Variants in PTPRT observed in about 807,000 individuals in gnomAD.
The protein encoded by PTPRT is protein tyrosine phosphatase receptor type T, also known as receptor-type tyrosine-protein phosphatase T.
In PTPRT, 56 loss-of-function variants were observed where a neutral mutation model predicts 176.8. That is an observed-to-expected ratio of 0.32 (90% CI 0.26 to 0.40). The LOEUF is 0.40. Ranked by LOEUF, PTPRT falls within the 10% of genes least tolerant of loss-of-function variation. The pLI, the probability that PTPRT is intolerant of heterozygous loss-of-function variation, is 1.00. For missense variants in PTPRT, 1,540 were observed against 1,908.2 expected (o/e 0.81, Z 3.60); for synonymous variants, 783 against 739.0 (o/e 1.06, Z -0.96).
chr20:42,376,811 C>T (rs2058654086), intron 9 of PTPRT, among the ~76,000 whole-genome samples: 1 of 151,974 alleles, frequency 6.6e-6, no homozygotes, highest in Admixed American at 6.6e-5. Context: ...TCTGGGTGAT[C>T]GAGTCTATAG....
Position 42,362,349 on chromosome 20 carries a change from T to C in PTPRT, c.1561-10064A>G, listed in dbSNP as rs189519501. ...GATACGATGCTCTGAGAAAGGGTTA[T>C]GTGTGGTATTTTTTGCCAAAAATGC... On this transcript the variant is annotated intron_variant, in intron 9 of 30. Coordinates refer to ENST00000373187, the MANE Select transcript of PTPRT (RefSeq NM_007050.6). Among the ~76,000 whole-genome samples, 138 of 152,222 alleles carry C rather than the reference T, an allele frequency of 9.1e-4. 1 individual carries two copies. The highest frequency in any genetic ancestry group is 4.3e-4 in the Non-Finnish European group (29 of 68,022).
At chr20:42,394,058 T>TA (rs891222686) in intron 9 of PTPRT, among the ~76,000 whole-genome samples, 71 of 150,812 alleles carry the variant, frequency 4.7e-4, no homozygotes, top group Non-Finnish European at 8.8e-5. Flanking sequence ...TTTTTTTTTT[T>TA]AATTTTACTA....
At chr20:42,889,524 G>C (rs1388049515) in intron 1 of PTPRT, among the ~76,000 whole-genome samples, 2 of 152,170 alleles carry the variant, frequency 1.3e-5, no homozygotes, top group Non-Finnish European at 2.9e-5. Context: ...ATGCATTCAG[G>C]ACAGAAAATG....
intron 7 of PTPRT, among the ~76,000 whole-genome samples, chr20:42,502,037 C>T (rs764522826): frequency 6.6e-5 from 10 of 151,954 alleles, no homozygotes; most frequent in Non-Finnish European, 1.5e-4. Context: ...TTGGGCTTAG[C>T]ATTTTGAGAA....
chr20:42,576,000 CA>C (rs1315984955), intron 7 of PTPRT, among the ~76,000 whole-genome samples: 1 of 152,158 alleles, frequency 6.6e-6, no homozygotes, highest in Non-Finnish European at 1.5e-5. Context: ...AGAGGTTCAC[CA>C]TCGCTTCCAG....
intron 1 of PTPRT, among the ~76,000 whole-genome samples, chr20:42,992,670 A>G (rs1189457010): frequency 6.6e-6 from 1 of 152,256 alleles, no homozygotes; most frequent in African/African-American, 2.4e-5. Context: ...CTATTGCTGC[A>G]TAACAGGTCA....
intron 2 of PTPRT, among the ~76,000 whole-genome samples, chr20:42,814,875 C>T (rs2077757049): frequency 6.6e-6 from 1 of 151,874 alleles, no homozygotes; most frequent in Non-Finnish European, 1.5e-5. Flanking sequence ...TGGGAAGAAC[C>T]CAGAAGCAAA....
At chr20:42,531,327 T>C (rs1490420741) in intron 7 of PTPRT, among the ~76,000 whole-genome samples, 1 of 152,176 alleles carries the variant, frequency 6.6e-6, no homozygotes, top group Non-Finnish European at 1.5e-5. Context: ...CAAAGAGCAA[T>C]CTACTTAGTT....
chr20:43,150,911 A>G lies in PTPRT; in HGVS notation c.88+38735T>C, dbSNP rs557319010. ...GCCTTCATGCTGAACCTCACATTTA[A>G]GAAGAGAATAAATGGATCACAGTGC... On this transcript the variant is annotated intron_variant, in intron 1 of 30. Coordinates refer to ENST00000373187, the MANE Select transcript of PTPRT (RefSeq NM_007050.6). Among the ~76,000 whole-genome samples the G allele has an allele frequency of 3.2e-3, 492 of 152,330 alleles. 2 individuals are homozygous for G. Among genetic ancestry groups the G allele is most frequent in the African/African-American group, 0.011 (478 of 41,582 alleles).
chr20:42,620,688 G>T (rs1443820516), intron 7 of PTPRT, among the ~76,000 whole-genome samples: 1 of 152,178 alleles, frequency 6.6e-6, no homozygotes, highest in Admixed American at 6.5e-5. Context: ...TATTCGGGTG[G>T]GAGTGACCCA....
intron 2 of PTPRT, among the ~76,000 whole-genome samples, chr20:42,862,707 T>C (rs1379875720): frequency 1.3e-5 from 2 of 152,188 alleles, no homozygotes; most frequent in Non-Finnish European, 2.9e-5. Context: ...TTTTTCAACA[T>C]TCATGAGTGT....
chr20:43,127,280 G>A (rs531271146), intron 1 of PTPRT, among the ~76,000 whole-genome samples: 21 of 152,028 alleles, frequency 1.4e-4, no homozygotes, highest in East Asian at 1.2e-3. Flanking sequence ...AAAATTAGCC[G>A]GGCGTGGTGG....
intron 9 of PTPRT, among the ~76,000 whole-genome samples, chr20:42,418,582 C>G (rs1327534736): frequency 1.3e-5 from 2 of 152,146 alleles, no homozygotes; most frequent in Non-Finnish European, 2.9e-5. Flanking sequence ...ATGTGAAAGA[C>G]AATAGGAAGA....
chr20:42,659,109 T>C (rs2075177461), intron 7 of PTPRT, among the ~76,000 whole-genome samples: 1 of 152,158 alleles, frequency 6.6e-6, no homozygotes, highest in Non-Finnish European at 1.5e-5. Context: ...TCATCATTGC[T>C]ACGAAATGCC....
chr20:42,328,990 A>T (rs1349163012), intron 11 of PTPRT, among the ~76,000 whole-genome samples: 2 of 152,080 alleles, frequency 1.3e-5, no homozygotes, highest in Admixed American at 1.3e-4. Context: ...ACACTCTCTC[A>T]CACAGTTTCC....
intron 13 of PTPRT, among the ~76,000 whole-genome samples, chr20:42,278,073 CTATATATATATATATATATATATATA>C (rs777694770): frequency 0.068 from 2,653 of 39,248 alleles, 258 homozygotes; most frequent in African/African-American, 0.19. Context: ...TGTAAGTAGA[CTATATATATATATATATATATATATA>C]TATATATATA....
intron 7 of PTPRT, among the ~76,000 whole-genome samples, chr20:42,618,458 C>T (rs1368319721): frequency 4.4e-5 from 6 of 134,918 alleles, no homozygotes; most frequent in East Asian, 4.0e-4. Flanking sequence ...CTATTAGGTC[C>T]GCTTGGTGCA....
chr20:42,433,842 G>A (rs2059237497), intron 9 of PTPRT, among the ~76,000 whole-genome samples: 1 of 152,120 alleles, frequency 6.6e-6, no homozygotes, highest in South Asian at 2.1e-4. Context: ...TCTATTGAGA[G>A]GGAAAAGGAA....
chr20:42,377,866 CA>C (rs1568826501), intron 9 of PTPRT, among the ~76,000 whole-genome samples: 1 of 152,142 alleles, frequency 6.6e-6, no homozygotes, highest in African/African-American at 2.4e-5. Flanking sequence ...CTGTGATTCA[CA>C]AAAATAACAC....
Sources: gnomAD v4.1 joint callset for allele counts (sites outside exome capture counted in the v4.1 genomes callset) on GRCh38, gnomAD v4.1.1 for gene constraint, MANE v1.5 for transcripts, NCBI Gene and HGNC (gene_info 2026-07-23, HGNC 2026-07-21) for gene names.